The following KCNB2 variants were observed in gnomAD, a reference collection of about 807,000 sequenced individuals.
KCNB2 encodes the protein potassium voltage-gated channel subfamily B member 2.
Under a neutral mutation model 61.5 loss-of-function variants are expected in KCNB2, and 15 were observed. That is an observed-to-expected ratio of 0.24 (90% CI 0.16 to 0.38). KCNB2 has a LOEUF of 0.38. Ranked by LOEUF, KCNB2 falls within the 10% of genes least tolerant of loss-of-function variation. The probability of loss-of-function intolerance (pLI) is 1.00; values close to 1 mark genes in which losing one functional copy is unlikely to be tolerated. For missense variants in KCNB2, 828 were observed against 1,125.2 expected, an observed-to-expected ratio of 0.74 and a Z score of 3.78; for synonymous variants, 457 against 446.0, an observed-to-expected ratio of 1.02 and a Z score of -0.31.
chr8:72,931,994 C>T (rs972987858), intron 2 of KCNB2, among the ~76,000 whole-genome samples: 5 of 149,192 alleles, frequency 3.4e-5, no homozygotes, highest in African/African-American at 7.4e-5. Flanking sequence ...GCCTGGGCAA[C>T]GGAGCCAGAC....
chr8:72,715,063 A>G (rs1440048566), intron 2 of KCNB2, among the ~76,000 whole-genome samples: 2 of 152,222 alleles, frequency 1.3e-5, no homozygotes, highest in Admixed American at 6.5e-5. Context: ...AGAGACAAAG[A>G]AGGCCATTAC....
intron 2 of KCNB2, among the ~76,000 whole-genome samples, chr8:72,732,426 C>A (rs1807762001): frequency 6.6e-6 from 1 of 152,214 alleles, no homozygotes; most frequent in Non-Finnish European, 1.5e-5. Context: ...AGGCAGCCCA[C>A]AGGCTTCTAG....
chr8:72,592,559 G>A (rs1807117798), intron 2 of KCNB2, among the ~76,000 whole-genome samples: 1 of 151,954 alleles, frequency 6.6e-6, no homozygotes, highest in African/African-American at 2.4e-5. Flanking sequence ...TTTTATGTGA[G>A]GCATGGCCAC....
At position 72,775,275 on chromosome 8, in the gene KCNB2, A is replaced by G. The variant is rs191613402; in HGVS notation, c.580-160660A>G. On this transcript the variant is annotated intron_variant, in intron 2 of 2. Coordinates refer to ENST00000523207, the MANE Select transcript of KCNB2 (RefSeq NM_004770.3). The stretch of plus-strand genomic sequence containing the variant: ...CATCTGGAGGTGGTGGTGGACCCCA[A>G]AGAGAAGGAGAAAGAGCAGGTAAAG... Among the ~76,000 whole-genome samples the G allele has an allele frequency of 2.0e-3, 297 of 152,290 alleles. 1 individual carries two copies. The highest frequency in any genetic ancestry group is 8.5e-3 in the Admixed American group (130 of 15,298).
At chr8:72,840,236 G>A (rs909521935) in intron 2 of KCNB2, among the ~76,000 whole-genome samples, 4 of 152,124 alleles carry the variant, frequency 2.6e-5, no homozygotes, top group African/African-American at 4.8e-5. Context: ...CAAAGGACAT[G>A]AACTCATCCT....
intron 2 of KCNB2, among the ~76,000 whole-genome samples, chr8:72,819,155 C>T (rs939695942): frequency 2.6e-5 from 4 of 152,238 alleles, no homozygotes; most frequent in Non-Finnish European, 4.4e-5. Flanking sequence ...TACACCCTTT[C>T]TTTTGAACAA....
intron 2 of KCNB2, among the ~76,000 whole-genome samples, chr8:72,654,602 T>C (rs990828830): frequency 2.0e-5 from 3 of 152,188 alleles, no homozygotes; most frequent in African/African-American, 7.2e-5. Context: ...GATAGGTACA[T>C]GGGTTTTCTT....
intron 2 of KCNB2, among the ~76,000 whole-genome samples, chr8:72,642,746 G>T (rs999328979): frequency 6.6e-6 from 1 of 152,158 alleles, no homozygotes; most frequent in Non-Finnish European, 1.5e-5. Context: ...GGGTAAAACT[G>T]CTCGCTGCTG....
chr8:72,743,319 C>T (rs537013079), intron 2 of KCNB2, among the ~76,000 whole-genome samples: 1 of 152,186 alleles, frequency 6.6e-6, no homozygotes. Context: ...TGGCAATATT[C>T]TAGGCAGTTA....
chr8:72,930,569 G>A (rs1241958485), intron 2 of KCNB2, among the ~76,000 whole-genome samples: 9 of 152,164 alleles, frequency 5.9e-5, no homozygotes, highest in Non-Finnish European at 7.3e-5. Flanking sequence ...ATTTTTTCAT[G>A]TGTCTGTTGG....
At chr8:72,858,476 A>G (rs1810242127) in intron 2 of KCNB2, among the ~76,000 whole-genome samples, 1 of 152,204 alleles carries the variant, frequency 6.6e-6, no homozygotes, top group Non-Finnish European at 1.5e-5. Context: ...CTCTGCTATA[A>G]TGTACAACTT....
chr8:72,695,375 T>C (rs980437788), intron 2 of KCNB2, among the ~76,000 whole-genome samples: 1 of 152,206 alleles, frequency 6.6e-6, no homozygotes, highest in African/African-American at 2.4e-5. Context: ...TTTCTTCTCC[T>C]GTTTTAGAAA....
intron 2 of KCNB2, among the ~76,000 whole-genome samples, chr8:72,932,207 G>T (rs1256144759): frequency 4.6e-5 from 7 of 152,178 alleles, no homozygotes. Flanking sequence ...CAGGGAGAAG[G>T]CCTGGAAATT....
At chr8:72,901,010 C>G (rs1000655927) in intron 2 of KCNB2, among the ~76,000 whole-genome samples, 1 of 152,118 alleles carries the variant, frequency 6.6e-6, no homozygotes, top group Non-Finnish European at 1.5e-5. Flanking sequence ...CCAAATAAAT[C>G]ATTCTACCAA....
At chr8:72,852,489 A>G (rs1810133236) in intron 2 of KCNB2, among the ~76,000 whole-genome samples, 1 of 152,180 alleles carries the variant, frequency 6.6e-6, no homozygotes, top group Non-Finnish European at 1.5e-5. Flanking sequence ...CAGTTGAAAT[A>G]TTGCAGGGCC....
intron 2 of KCNB2, among the ~76,000 whole-genome samples, chr8:72,736,343 A>G (rs902722207): frequency 1.3e-5 from 2 of 152,064 alleles, no homozygotes; most frequent in Non-Finnish European, 2.9e-5. Context: ...GACCAGAAAT[A>G]TATTATTCTA....
intron 2 of KCNB2, among the ~76,000 whole-genome samples, chr8:72,763,646 C>T (rs563620076): frequency 7.2e-5 from 11 of 152,188 alleles, no homozygotes; most frequent in Non-Finnish European, 1.3e-4. Flanking sequence ...AACTGAGTGT[C>T]TGTGGGTAAA....
intron 2 of KCNB2, among the ~76,000 whole-genome samples, chr8:72,644,760 T>C (rs1806104794): frequency 2.0e-5 from 3 of 152,226 alleles, no homozygotes; most frequent in Admixed American, 2.0e-4. Context: ...ACTGAACTGC[T>C]CATGTACTTT....
intron 2 of KCNB2, among the ~76,000 whole-genome samples, chr8:72,835,631 A>C (rs558503390): frequency 6.6e-6 from 1 of 152,150 alleles, no homozygotes; most frequent in East Asian, 1.9e-4. Flanking sequence ...ATTTGTAAGG[A>C]CCCCAGGGGT....
Sources: allele counts gnomAD v4.1 joint callset (sites outside exome capture counted in the v4.1 genomes callset), GRCh38; gene constraint gnomAD v4.1.1; transcripts MANE v1.5; gene names NCBI Gene and HGNC (gene_info 2026-07-23, HGNC 2026-07-21).